Variants in NALF1 observed in about 807,000 individuals in gnomAD.
NALF1 encodes the protein NALCN channel auxiliary factor 1.
A neutral mutation model predicts 48.4 loss-of-function variants in NALF1; 3 were observed. That is an observed-to-expected ratio of 0.06 (90% confidence interval 0.03 to 0.16). NALF1 has a LOEUF of 0.16. Ranked by LOEUF, NALF1 falls within the 10% of genes least tolerant of loss-of-function variation. The pLI, the probability that NALF1 is intolerant of heterozygous loss-of-function variation, is 1.00. For missense variants in NALF1, 526 were observed against 571.5 expected (o/e 0.92, Z 0.81); for synonymous variants, 262 against 245.7 (o/e 1.07, Z -0.62).
At chr13:107,813,666 A>G (rs1362378664) in intron 1 of NALF1, among the ~76,000 whole-genome samples, 2 of 145,718 alleles carry the variant, frequency 1.4e-5, no homozygotes, top group East Asian at 2.1e-4. Flanking sequence ...TGCATAAAGA[A>G]GACCAGCAAA....
chr13:107,336,827 T>C (rs1882566798), intron 1 of NALF1, among the ~76,000 whole-genome samples: 1 of 152,102 alleles, frequency 6.6e-6, no homozygotes, highest in Non-Finnish European at 1.5e-5. Flanking sequence ...CCCCTTACTC[T>C]ATTACACAGT....
intron 1 of NALF1, among the ~76,000 whole-genome samples, chr13:107,321,597 A>G (rs970991389): frequency 6.6e-6 from 1 of 152,118 alleles, no homozygotes; most frequent in Non-Finnish European, 1.5e-5. Context: ...TCTACATGGT[A>G]AAAAGTTGCA....
At chr13:107,340,491 G>C (rs200909512) in intron 1 of NALF1, among the ~76,000 whole-genome samples, 7 of 86,090 alleles carry the variant, frequency 8.1e-5, no homozygotes, top group African/African-American at 2.3e-4. Context: ...CTTTCTTTTT[G>C]TCTTTCTTTC....
intron 1 of NALF1, among the ~76,000 whole-genome samples, chr13:107,641,952 T>C (rs922377299): frequency 3.3e-5 from 5 of 152,182 alleles, no homozygotes; most frequent in African/African-American, 1.2e-4. Context: ...GGGATGAGAT[T>C]TGGCATCGGT....
chr13:107,410,295 C>A (rs1421148088), intron 1 of NALF1, among the ~76,000 whole-genome samples: 1 of 152,052 alleles, frequency 6.6e-6, no homozygotes, highest in Non-Finnish European at 1.5e-5. Context: ...AAGGCCACAC[C>A]CTGCAGGTTT....
chr13:107,234,409 A>G (rs1880295323), intron 1 of NALF1, among the ~76,000 whole-genome samples: 1 of 152,172 alleles, frequency 6.6e-6, no homozygotes, highest in Admixed American at 6.5e-5. Context: ...TCCTTTCATG[A>G]AGGGATACGT....
chr13:107,356,057 G>A (rs569206464), intron 1 of NALF1, among the ~76,000 whole-genome samples: 17 of 152,256 alleles, frequency 1.1e-4, no homozygotes, highest in African/African-American at 3.6e-4. Context: ...CTTAAAGCCT[G>A]TGAGTTGGGG....
rs147275363 is a variant in NALF1, at chr13:107,393,102, G to A, written c.916-182347C>T. Among the ~76,000 whole-genome samples the A allele has an allele frequency of 3.3e-3, 499 of 152,192 alleles. 3 individuals carry two copies. The highest frequency in any genetic ancestry group is 0.011 in the African/African-American group (448 of 41,538). On this transcript the variant is annotated intron_variant, in intron 1 of 2. Coordinates refer to ENST00000375915, the MANE Select transcript of NALF1 (RefSeq NM_001080396.3). ...GGAAAGGAAGCAAGAAATGGAGGTGGTGAGGAAAAATAAGCACGAAGTAAA... is the reference window on the plus strand; with the variant it reads ...GGAAAGGAAGCAAGAAATGGAGGTGATGAGGAAAAATAAGCACGAAGTAAA...
chr13:107,695,387 A>G (rs1180079760), intron 1 of NALF1, among the ~76,000 whole-genome samples: 4 of 152,176 alleles, frequency 2.6e-5, no homozygotes, highest in African/African-American at 9.7e-5. Flanking sequence ...AACAAACATA[A>G]GTCGACCGTA....
At chr13:107,448,193 T>C (rs1007772699) in intron 1 of NALF1, among the ~76,000 whole-genome samples, 10 of 152,188 alleles carry the variant, frequency 6.6e-5, no homozygotes, top group Non-Finnish European at 2.9e-5. Flanking sequence ...CACTGGCTCA[T>C]ACCTTCGATT....
chr13:107,806,767 A>G (rs1031861604), intron 1 of NALF1, among the ~76,000 whole-genome samples: 8 of 152,184 alleles, frequency 5.3e-5, no homozygotes, highest in African/African-American at 1.9e-4. Context: ...CAAGAAACGG[A>G]AAACAGACTT....
chr13:107,716,332 G>A (rs906632804), intron 1 of NALF1, among the ~76,000 whole-genome samples: 3 of 152,130 alleles, frequency 2.0e-5, no homozygotes, highest in Admixed American at 6.5e-5. Context: ...AGGGAAAAAC[G>A]TCTGAGCATG....
chr13:107,508,603 T>C (rs1875776180), intron 1 of NALF1, among the ~76,000 whole-genome samples: 1 of 152,076 alleles, frequency 6.6e-6, no homozygotes. Flanking sequence ...GACAATAAAA[T>C]GCAGTTCTAG....
chr13:107,254,062 A>AAAAAAAAAAAAAAATATATATATAT, intron 1 of NALF1, among the ~76,000 whole-genome samples: 1 of 138,582 alleles, frequency 7.2e-6, no homozygotes, highest in Non-Finnish European at 1.6e-5. Flanking sequence ...CAAGTACTAA[A>AAAAAAAAAAAAAAATATATATATAT]ATATATATAT....
chr13:107,862,734 C>T (rs1880607840), intron 1 of NALF1, among the ~76,000 whole-genome samples: 1 of 151,824 alleles, frequency 6.6e-6, no homozygotes, highest in African/African-American at 2.4e-5. Flanking sequence ...TAGGTCTATT[C>T]TAAGGGGTTT....
chr13:107,347,955 C>T (rs1460132327), intron 1 of NALF1, among the ~76,000 whole-genome samples: 1 of 152,170 alleles, frequency 6.6e-6, no homozygotes, highest in East Asian at 1.9e-4. Context: ...ACTTGGGTCT[C>T]GCTTGTCACA....
chr13:107,502,212 T>A (rs1875547884), intron 1 of NALF1, among the ~76,000 whole-genome samples: 1 of 152,166 alleles, frequency 6.6e-6, no homozygotes, highest in African/African-American at 2.4e-5. Context: ...CTATTAGTAG[T>A]GTAAGATTTA....
intron 1 of NALF1, among the ~76,000 whole-genome samples, chr13:107,400,007 T>TA (rs1883777708): frequency 6.6e-6 from 1 of 152,026 alleles, no homozygotes; most frequent in Non-Finnish European, 1.5e-5. Flanking sequence ...TGGTGTATAA[T>TA]AAAAAAAGAC....
In NALF1 at chr13:107,464,815, C is replaced by T. The variant is rs148602649; in HGVS notation, c.916-254060G>A. 6.1e-3 allele frequency among the ~76,000 whole-genome samples: 929 copies of T among 152,198 alleles called. 11 individuals carry two copies. The highest frequency in any genetic ancestry group is 0.021 in the African/African-American group (854 of 41,528). ...AATTACAGGCATGAGCCACCACACCCGGCGGCAATACAAATTTTTAGACCA... is the reference window on the plus strand; with the variant it reads ...AATTACAGGCATGAGCCACCACACCTGGCGGCAATACAAATTTTTAGACCA... On this transcript the variant is annotated intron_variant, in intron 1 of 2. Transcript: ENST00000375915.
Sources: gnomAD v4.1 joint callset for allele counts (sites outside exome capture counted in the v4.1 genomes callset) on GRCh38, gnomAD v4.1.1 for gene constraint, MANE v1.5 for transcripts, NCBI Gene and HGNC (gene_info 2026-07-23, HGNC 2026-07-21) for gene names.